Variants in ANKH observed in about 807,000 individuals in gnomAD.
The protein encoded by ANKH is mineralization regulator ANKH.
In ANKH, 15 loss-of-function variants were observed where a neutral mutation model predicts 49.0. The ratio of observed to expected loss-of-function variants is 0.31; its 90% CI spans 0.20 to 0.47. The LOEUF is 0.47. ANKH is among the 20% of genes least tolerant of loss of function. The pLI is 1.00. For synonymous variants in ANKH, 273 were observed against 260.0 expected, an observed-to-expected ratio of 1.05 and a Z score of -0.48; for missense variants, 429 against 652.0, an observed-to-expected ratio of 0.66 and a Z score of 3.72.
intron 3 of ANKH, 41 bp downstream of exon 3, chr5:14,758,439 T>C (rs761632360): frequency 1.4e-6 from 2 of 1,480,982 alleles, no homozygotes; most frequent in Non-Finnish European, 1.9e-6. Flanking sequence ...TTACCACCAG[T>C]TAAAGAAAAA....
At chr5:14,762,466 GCTT>G (rs1420264528) in intron 2 of ANKH, among the ~76,000 whole-genome samples, 2 of 152,104 alleles carry the variant, frequency 1.3e-5, no homozygotes, top group African/African-American at 4.8e-5. Context: ...GGCTGCCTTT[GCTT>G]CTTTTAACTT....
chr5:14,824,345 G>A (rs1363712330), intron 1 of ANKH, among the ~76,000 whole-genome samples: 1 of 152,106 alleles, frequency 6.6e-6, no homozygotes, highest in East Asian at 1.9e-4. Flanking sequence ...TGGACTAGAA[G>A]CATAAAGGGC....
chr5:14,747,323 T>C (rs1192350405), intron 6 of ANKH, among the ~76,000 whole-genome samples: 1 of 152,228 alleles, frequency 6.6e-6, no homozygotes, highest in East Asian at 1.9e-4. Context: ...CTTAAGCCTA[T>C]AATCCCAGCA....
At chr5:14,819,982 G>A (rs1039980814) in intron 1 of ANKH, among the ~76,000 whole-genome samples, 3 of 150,404 alleles carry the variant, frequency 2.0e-5, no homozygotes, top group African/African-American at 4.9e-5. Context: ...ATTATATAAC[G>A]CCAATGGGAG....
chr5:14,717,120 G>C, intron 8 of ANKH: 3 of 410,550 alleles, frequency 7.3e-6, no homozygotes, highest in Non-Finnish European at 1.4e-5. Context: ...GAGCAGACCC[G>C]TTCAGAACCA....
In ANKH at chr5:14,710,708, AC is replaced by A. The variant is rs1737140464; in HGVS notation, c.*488del. The A allele has an allele frequency of 5.5e-6, 1 of 181,658 alleles. No individual in the cohort carries two copies. The highest frequency in any genetic ancestry group is 2.4e-5 in the African/African-American group (1 of 42,076). The allele number at this position is 181,658 out of a possible 1,614,324, so 11.3% of individuals were successfully genotyped here. A position where few individuals can be genotyped will look rare whatever the true frequency, so the allele number is the denominator to read the frequency against. ...TGGCGGAAGGGAAATTTAAGAGGCC[AC>A]CGGGGCTCCATCTCTTTGTACGGCC... On this transcript the variant is annotated 3_prime_UTR_variant, in exon 12 of 12. Transcript: ENST00000284268.
intron 7 of ANKH, among the ~76,000 whole-genome samples, chr5:14,742,189 A>G (rs943239465): frequency 1.3e-5 from 2 of 152,068 alleles, no homozygotes; most frequent in African/African-American, 4.8e-5. Context: ...TGGGCAGCCC[A>G]TCTTGCCCAG....
At position 14,745,010 on chromosome 5, in the gene ANKH, C is replaced by A. The variant is rs995896559; in HGVS notation, c.915+860G>T. 3.9e-5 allele frequency among the ~76,000 whole-genome samples: 6 copies of A among 152,184 alleles called. No homozygotes were observed. The highest frequency in any genetic ancestry group is 6.5e-5 in the Admixed American group (1 of 15,280). On this transcript the variant is annotated intron_variant, in intron 7 of 11. Coordinates refer to ENST00000284268, the MANE Select transcript of ANKH (RefSeq NM_054027.6). The surrounding 1 kb of genome is among the most constrained non-coding windows in gnomAD (Gnocchi z 4.7). ...CCAGAGCTGAGCGCTGTGGACACCC[C>A]TGGCCAGGAGGCTTCCTCTCCTCAC...
chr5:14,735,102 C>T (rs555663334), intron 8 of ANKH, among the ~76,000 whole-genome samples: 22 of 152,282 alleles, frequency 1.4e-4, no homozygotes, highest in African/African-American at 5.3e-4. Flanking sequence ...AGTCCTGGTA[C>T]TTCTATCAGT....
In ANKH at chr5:14,770,237, G is replaced by A. The variant is rs1739391312; in HGVS notation, c.97-1046C>T. The stretch of plus-strand genomic sequence containing the variant: ...TATATCCTTTGCCCCCCACAAACAC[G>A]GAGCCTCCCCTGCTATCAACATCCC... On this transcript the variant is annotated intron_variant, in intron 1 of 11. Transcript: ENST00000284268. This position sits in a 1 kb window ranked among gnomAD's most constrained non-coding sequence, Gnocchi z 4.1. Among the ~76,000 whole-genome samples, 1 of 152,122 alleles carries A rather than the reference G, an allele frequency of 6.6e-6. No individual in the cohort carries two copies. The highest frequency in any genetic ancestry group is 2.4e-5 in the African/African-American group (1 of 41,472).
chr5:14,857,090 A>T (rs1735292840), intron 1 of ANKH, among the ~76,000 whole-genome samples: 2 of 151,984 alleles, frequency 1.3e-5, no homozygotes, highest in Non-Finnish European at 2.9e-5. Flanking sequence ...GTCCCTGCCC[A>T]CCCTACGCCT....
At chr5:14,786,045 C>CAAA (rs71603742) in intron 1 of ANKH, among the ~76,000 whole-genome samples, 88 of 66,942 alleles carry the variant, frequency 1.3e-3, no homozygotes, top group Middle Eastern at 9.1e-3. Flanking sequence ...GACTCTGTCT[C>CAAA]AAAAAAAAAA....
chr5:14,768,548 C>G (rs940181317), intron 2 of ANKH: 1 of 240,908 alleles, frequency 4.2e-6, no homozygotes, highest in African/African-American at 2.3e-5. Flanking sequence ...GATCCTAGAA[C>G]AAATTAATAA....
chr5:14,839,695 A>C (rs1410377722), intron 1 of ANKH, among the ~76,000 whole-genome samples: 1 of 152,210 alleles, frequency 6.6e-6, no homozygotes, highest in African/African-American at 2.4e-5. Context: ...AGAAACTTCA[A>C]GACACTGGAA....
At chr5:14,742,349 G>T (rs1738387824) in intron 7 of ANKH, among the ~76,000 whole-genome samples, 1 of 152,076 alleles carries the variant, frequency 6.6e-6, no homozygotes, top group African/African-American at 2.4e-5. Flanking sequence ...CTACCAAATG[G>T]ACTATAAATT....
chr5:14,809,325 T>C (rs31908), intron 1 of ANKH, among the ~76,000 whole-genome samples: 27,816 of 77,876 alleles, frequency 0.36, 4,201 homozygotes, highest in Admixed American at 0.45. Context: ...CCCTAAAACT[T>C]AGAGTATAAT....
intron 1 of ANKH, among the ~76,000 whole-genome samples, chr5:14,846,381 C>T (rs936205378): frequency 1.3e-5 from 2 of 152,150 alleles, no homozygotes; most frequent in South Asian, 4.1e-4. Flanking sequence ...GGGAAAACAG[C>T]CATATTTACA....
At chr5:14,782,249 C>T (rs1367171016) in intron 1 of ANKH, among the ~76,000 whole-genome samples, 1 of 152,172 alleles carries the variant, frequency 6.6e-6, no homozygotes, top group Non-Finnish European at 1.5e-5. Flanking sequence ...CAGCAACTAG[C>T]ACTGACTGAG....
intron 1 of ANKH, chr5:14,797,500 A>G (rs762825397): frequency 6.2e-7 from 1 of 1,611,360 alleles, no homozygotes. Flanking sequence ...CTCAGATCCC[A>G]CAAGGCAACA....
Sources: allele counts gnomAD v4.1 joint callset (sites outside exome capture counted in the v4.1 genomes callset), GRCh38; gene constraint gnomAD v4.1.1; non-coding constraint Gnocchi (gnomAD v3.1); transcripts MANE v1.5; gene names NCBI Gene and HGNC (gene_info 2026-07-23, HGNC 2026-07-21).